The following AIMP1 variants were observed in gnomAD, a reference collection of about 807,000 sequenced individuals.
AIMP1 encodes aminoacyl tRNA synthetase complex interacting multifunctional protein 1, also known as aminoacyl tRNA synthase complex-interacting multifunctional protein 1.
AIMP1 carries 24 observed loss-of-function variants against 33.1 expected under a neutral mutation model. That is an observed-to-expected ratio of 0.73 (90% CI 0.53 to 1.02). The LOEUF (loss-of-function observed/expected upper bound fraction) is 1.02. Ranked by LOEUF, AIMP1 falls within the 50% of genes least tolerant of loss-of-function variation. The probability of loss-of-function intolerance (pLI) is 0.00; values close to 1 mark genes in which losing one functional copy is unlikely to be tolerated. For missense variants in AIMP1, 367 were observed against 364.8 expected (o/e 1.01, Z -0.05); for synonymous variants, 120 against 121.5 (o/e 0.99, Z 0.08).
intron 6 of AIMP1, among the ~76,000 whole-genome samples, chr4:106,346,309 A>G (rs1770295004): frequency 6.6e-6 from 1 of 152,116 alleles, no homozygotes; most frequent in African/African-American, 2.4e-5. Flanking sequence ...AGTTACTATA[A>G]ATAGAGGGGT....
upstream of AIMP1, chr4:106,316,451 G>A: frequency 4.8e-6 from 6 of 1,237,816 alleles, no homozygotes; most frequent in Non-Finnish European, 7.0e-6. Context: ...GAGGAAGAAA[G>A]AATTGAGGGT....
In AIMP1 at chr4:106,347,567, G is replaced by T; in HGVS notation, c.814G>T (p.Glu272Ter). Residue 272 changes from glutamate to a stop codon, truncating the protein, a stop_gained, in exon 7 of 7, where the codon GAG becomes TAG. Coordinates refer to ENST00000672341, the MANE Select transcript of AIMP1 (RefSeq NM_001142416.2). LOFTEE classifies it high-confidence loss of function. ...GCTGAATCCTAAGAAGAAGATTTGG[G>T]AGCAGATCCAGCCTGATCTTCACAC... ...KELNPKKKIW[E>*]QIQPDLHTND... 6.2e-7 allele frequency: 1 copy of T among 1,613,284 alleles called. No individual in the cohort carries two copies. Among genetic ancestry groups the T allele is most frequent in the South Asian group, 1.1e-5 (1 of 91,052 alleles).
At chr4:106,323,222 A>AT (rs1166819897) in intron 1 of AIMP1, among the ~76,000 whole-genome samples, 2 of 151,984 alleles carry the variant, frequency 1.3e-5, no homozygotes, top group Admixed American at 6.6e-5. Context: ...GTAAAATTGT[A>AT]TTTTTTTCTC....
At chr4:106,330,548 A>C (rs1769637362) in intron 4 of AIMP1, among the ~76,000 whole-genome samples, 1 of 152,210 alleles carries the variant, frequency 6.6e-6, no homozygotes, top group Non-Finnish European at 1.5e-5. Context: ...ACCTTTACAC[A>C]GAATTCTCCT....
intron 6 of AIMP1, among the ~76,000 whole-genome samples, chr4:106,344,260 C>T (rs1770210066): frequency 6.6e-6 from 1 of 152,094 alleles, no homozygotes; most frequent in African/African-American, 2.4e-5. Flanking sequence ...TTTACCCAGT[C>T]ACTTAGATAA....
intron 3 of AIMP1, 63 bp from the exon 4 acceptor site, chr4:106,328,013 T>C (rs1769519646): frequency 6.3e-7 from 1 of 1,591,566 alleles, no homozygotes; most frequent in African/African-American, 1.3e-5. Flanking sequence ...GGTTCACAAT[T>C]TCATATTTTT....
Position 106,329,772 on chromosome 4 carries a change from C to CTTTT in AIMP1, c.391+1556_391+1559dup, listed in dbSNP as rs59016309. On this transcript the variant is annotated intron_variant, in intron 4 of 6. Coordinates refer to ENST00000672341, the MANE Select transcript of AIMP1 (RefSeq NM_001142416.2). ...ATGATCTTTCTAGACTGCTACATAT[C>CTTTT]TTTTTTTTTTTTTTTTTTTTTTTTT... Among the ~76,000 whole-genome samples, 264 of 53,094 alleles carry CTTTT rather than the reference C, an allele frequency of 5.0e-3. 38 individuals carry two copies. Among genetic ancestry groups the CTTTT allele is most frequent in the East Asian group, 0.017 (32 of 1,858 alleles). 34.8% of individuals were successfully genotyped at this position (53,094 alleles called of 152,430 possible).
chr4:106,325,897 G>T (rs1769437372), intron 2 of AIMP1, among the ~76,000 whole-genome samples: 1 of 152,046 alleles, frequency 6.6e-6, no homozygotes, highest in Admixed American at 6.6e-5. Context: ...GGTATAAGTA[G>T]TAGTAACAAT....
chr4:106,327,486 C>T lies in AIMP1; in HGVS notation c.145C>T (p.Arg49Ter), dbSNP rs373122636. ...QATLREEKKL[R>*]VENAKLKKEI... Reference sequence around the variant, plus strand: ...AACTTTGAGGGAAGAGAAGAAACTTCGAGTTGAAAATGCTAAACTGAAGAA... The same window carrying T: ...AACTTTGAGGGAAGAGAAGAAACTTTGAGTTGAAAATGCTAAACTGAAGAA... The change falls in exon 3 of 7, where the codon CGA becomes TGA. Residue 49 changes from arginine to a stop codon, truncating the protein, a stop_gained. Transcript: ENST00000672341. LOFTEE classifies it high-confidence loss of function. 22 of 1,612,542 alleles carry T rather than the reference C, an allele frequency of 1.4e-5. No homozygotes were observed. The highest frequency in any genetic ancestry group is 2.2e-5 in the South Asian group (2 of 91,010).
chr4:106,339,751 G>A (rs1306557168), intron 6 of AIMP1, among the ~76,000 whole-genome samples: 2 of 152,156 alleles, frequency 1.3e-5, no homozygotes, highest in African/African-American at 2.4e-5. Context: ...GCTGTAGATT[G>A]TCTCATGCTG....
chr4:106,322,713 A>G (rs924073759), intron 1 of AIMP1, among the ~76,000 whole-genome samples: 4 of 152,176 alleles, frequency 2.6e-5, no homozygotes, highest in Non-Finnish European at 4.4e-5. Flanking sequence ...GCGCCAGTGC[A>G]ATGGCTCACA....
At position 106,328,240 on chromosome 4, in the gene AIMP1, A is replaced by G; in HGVS notation, c.388A>G (p.Lys130Glu). The part of the protein sequence containing the change: ...EKKAKEKIEK[K>E]GEKKEKKQQS... ...GAAAGCGAAAGAGAAAATTGAAAAG[A>G]AAGGTATTTTTGACCTTTAAGCATA... Residue 130 changes from lysine to glutamate, a missense_variant, in exon 4 of 7, where the codon AAA becomes GAA. Transcript: ENST00000672341. The G allele has an allele frequency of 6.2e-7, 1 of 1,606,010 alleles. No individual in the cohort carries two copies. The highest frequency in any genetic ancestry group is 1.1e-5 in the South Asian group (1 of 90,522).
chr4:106,339,682 C>T lies in AIMP1; in HGVS notation c.772+2645C>T, dbSNP rs1352084155. Among the ~76,000 whole-genome samples, 5 of 152,102 alleles carry T rather than the reference C, an allele frequency of 3.3e-5. No homozygotes were observed. In the East Asian group the frequency reaches 7.7e-4, roughly 23 times the overall value. On this transcript the variant is annotated intron_variant, in intron 6 of 6. Coordinates refer to ENST00000672341, the MANE Select transcript of AIMP1 (RefSeq NM_001142416.2). ...ACTAAAGCAATAATATTAATACCAG[C>T]GTAGCAGAAAAGTATGACGTGGATA...
chr4:106,336,838 A>C, intron 5 of AIMP1, 31 bp from the exon 6 acceptor site: 3 of 1,604,054 alleles, frequency 1.9e-6, no homozygotes, highest in South Asian at 2.2e-5. Context: ...ATCTGTGTAC[A>C]TCTTTACTTA....
chr4:106,325,730 T>C (rs553061607), intron 2 of AIMP1, among the ~76,000 whole-genome samples: 1 of 152,182 alleles, frequency 6.6e-6, no homozygotes, highest in African/African-American at 2.4e-5. Flanking sequence ...ACTGGTAGTT[T>C]TTAGTCATAT....
chr4:106,336,489 C>G (rs2125926001), intron 5 of AIMP1, among the ~76,000 whole-genome samples: 1 of 152,034 alleles, frequency 6.6e-6, no homozygotes, highest in East Asian at 1.9e-4. Context: ...TGATTTAATC[C>G]TTATGACAAC....
At chr4:106,337,474 A>G (rs1481872855) in intron 6 of AIMP1, among the ~76,000 whole-genome samples, 2 of 152,176 alleles carry the variant, frequency 1.3e-5, no homozygotes, top group Non-Finnish European at 2.9e-5. Flanking sequence ...CTGCTACTAT[A>G]TAAGACATGC....
chr4:106,339,348 G>A (rs920957908), intron 6 of AIMP1, among the ~76,000 whole-genome samples: 1 of 152,168 alleles, frequency 6.6e-6, no homozygotes, highest in African/African-American at 2.4e-5. Context: ...CACCTGTCGT[G>A]GGAGGGACCT....
chr4:106,318,329 C>T (rs2125917719), intron 1 of AIMP1, among the ~76,000 whole-genome samples: 1 of 152,206 alleles, frequency 6.6e-6, no homozygotes, highest in South Asian at 2.1e-4. Context: ...TGATTTAAAT[C>T]CTAGCAGGAA....
Sources: gnomAD v4.1 joint callset for allele counts (sites outside exome capture counted in the v4.1 genomes callset) on GRCh38, gnomAD v4.1.1 for gene constraint, MANE v1.5 for transcripts, NCBI Gene and HGNC (gene_info 2026-07-23, HGNC 2026-07-21) for gene names.